Variants in GRM5 observed in about 807,000 individuals in gnomAD.
GRM5 encodes metabotropic glutamate receptor 5.
A neutral mutation model predicts 83.1 loss-of-function variants in GRM5; 19 were observed. The ratio of observed to expected loss-of-function variants is 0.23; its 90% confidence interval spans 0.16 to 0.34. The LOEUF (loss-of-function observed/expected upper bound fraction) is 0.34. Among genes scored for constraint, GRM5 ranks in the 10% least tolerant of loss-of-function variants. The pLI is 1.00. For synonymous variants in GRM5, 675 were observed against 633.6 expected (o/e 1.07, Z -0.98); for missense variants, 1,160 against 1,588.3 (o/e 0.73, Z 4.58).
At chr11:88,637,371 T>C (rs1355309692) in intron 4 of GRM5, among the ~76,000 whole-genome samples, 1 of 151,328 alleles carries the variant, frequency 6.6e-6, no homozygotes, top group Non-Finnish European at 1.5e-5. Flanking sequence ...ACAGGCAACC[T>C]ACAAAATGGG....
chr11:88,668,664 T>C (rs1021182364), intron 3 of GRM5, among the ~76,000 whole-genome samples: 2 of 152,138 alleles, frequency 1.3e-5, no homozygotes, highest in Non-Finnish European at 2.9e-5. Flanking sequence ...TAAAAACAGG[T>C]AACAAGAGGT....
intron 2 of GRM5, among the ~76,000 whole-genome samples, chr11:89,026,994 G>C (rs1379239539): frequency 6.6e-6 from 1 of 152,156 alleles, no homozygotes; most frequent in East Asian, 1.9e-4. Flanking sequence ...CTTCTCAAGA[G>C]ACAGAGACAA....
intron 2 of GRM5, among the ~76,000 whole-genome samples, chr11:89,040,303 C>T (rs1358788099): frequency 2.0e-5 from 3 of 152,006 alleles, no homozygotes; most frequent in Admixed American, 6.6e-5. Flanking sequence ...TATCTATTCA[C>T]TATCAAATTA....
At chr11:88,720,821 C>CGTGTGTGTGTGTGTGTGT (rs869078157) in intron 3 of GRM5, among the ~76,000 whole-genome samples, 60 of 137,266 alleles carry the variant, frequency 4.4e-4, no homozygotes, top group African/African-American at 1.5e-3. Context: ...TGTGTGTGTG[C>CGTGTGTGTGTGTGTGTGT]GTGTGTGTGT....
At chr11:88,617,622 G>A (rs1938520428) in intron 4 of GRM5, among the ~76,000 whole-genome samples, 1 of 152,142 alleles carries the variant, frequency 6.6e-6, no homozygotes, top group East Asian at 1.9e-4. Flanking sequence ...GCAAGGTGAT[G>A]ATAGTAAGCG....
intron 4 of GRM5, among the ~76,000 whole-genome samples, chr11:88,611,892 G>A (rs61901993): frequency 0.12 from 18,012 of 151,858 alleles, 1,410 homozygotes; most frequent in Non-Finnish European, 0.18. Context: ...TACTGCTTTA[G>A]CTATGTCCCA....
chr11:88,607,948 T>C (rs957877549), intron 4 of GRM5, among the ~76,000 whole-genome samples: 2 of 152,238 alleles, frequency 1.3e-5, no homozygotes, highest in Non-Finnish European at 1.5e-5. Flanking sequence ...TAGAAGAGCC[T>C]AGGCTCTGTT....
At chr11:88,958,158 C>A (rs192747097) in intron 2 of GRM5, among the ~76,000 whole-genome samples, 1 of 151,598 alleles carries the variant, frequency 6.6e-6, no homozygotes, top group Admixed American at 6.6e-5. Context: ...CCTACAGCAC[C>A]CACACAGGTC....
intron 3 of GRM5, among the ~76,000 whole-genome samples, chr11:88,840,905 T>A (rs1386370605): frequency 7.9e-5 from 12 of 152,222 alleles, no homozygotes; most frequent in Admixed American, 7.8e-4. Context: ...AGGTACTTCA[T>A]GAATTCAGGG....
chr11:88,756,407 T>C (rs1942394450), intron 3 of GRM5, among the ~76,000 whole-genome samples: 1 of 152,152 alleles, frequency 6.6e-6, no homozygotes. Flanking sequence ...TGTGCTGTCA[T>C]ATTCAGTCAG....
In GRM5 at chr11:88,717,894, TTAA is replaced by T. The variant is rs373920307; in HGVS notation, c.912-64494_912-64492del. Among the ~76,000 whole-genome samples, 43 of 151,970 alleles carry T rather than the reference TTAA, an allele frequency of 2.8e-4. No individual in the cohort carries two copies. The East Asian group carries it at 7.0e-3, about 25-fold the overall frequency. On this transcript the variant is annotated intron_variant, in intron 3 of 9. Coordinates refer to ENST00000305447, the MANE Select transcript of GRM5 (RefSeq NM_001143831.3). ...TTATAGTTAGAAGGATAATTACGTATTAATAATTAAAATAGAATCTATTAATGT... is the reference window on the plus strand; with the variant it reads ...TTATAGTTAGAAGGATAATTACGTATTAATTAAAATAGAATCTATTAATGT...
intron 2 of GRM5, among the ~76,000 whole-genome samples, chr11:88,858,128 C>T (rs953298033): frequency 6.6e-6 from 1 of 150,852 alleles, no homozygotes; most frequent in African/African-American, 2.5e-5. Context: ...TAAGGCATGG[C>T]ATTATTGAAT....
At chr11:88,597,430 C>G in intron 5 of GRM5, 78 bp from the exon 6 acceptor site, 5 of 729,200 alleles carry the variant, frequency 6.9e-6, no homozygotes, top group Non-Finnish European at 1.1e-5. Flanking sequence ...ATTTTATTCC[C>G]AAAAATGTGT....
rs959721147 is a variant in GRM5, at chr11:88,504,804, A to G, written c.*3788T>C. 1.3e-5 allele frequency: 2 copies of G among 152,194 alleles called. No homozygotes were observed. Among genetic ancestry groups the G allele is most frequent in the Non-Finnish European group, 2.9e-5 (2 of 68,000 alleles). 9.4% of individuals were successfully genotyped at this position (152,194 alleles called of 1,614,324 possible). On this transcript the variant is annotated 3_prime_UTR_variant, in exon 10 of 10. Transcript: ENST00000305447. ...ATTTAACATTCTCTATTATTTTAAT[A>G]GTACAAGCTGCCACAACAGAGAAAG...
chr11:88,920,966 C>T (rs991086981), intron 2 of GRM5, among the ~76,000 whole-genome samples: 1 of 152,084 alleles, frequency 6.6e-6, no homozygotes, highest in Non-Finnish European at 1.5e-5. Flanking sequence ...GTTATAATGG[C>T]TTTCAAAGCT....
chr11:88,796,098 G>T (rs113662552), intron 3 of GRM5, among the ~76,000 whole-genome samples: 1 of 152,090 alleles, frequency 6.6e-6, no homozygotes, highest in African/African-American at 2.4e-5. Flanking sequence ...CACTATTACT[G>T]ATCTTCAGGA....
chr11:88,747,047 G>T (rs191571774), intron 3 of GRM5, among the ~76,000 whole-genome samples: 1 of 152,238 alleles, frequency 6.6e-6, no homozygotes, highest in East Asian at 1.9e-4. Flanking sequence ...GTATAATATT[G>T]TCATTGCATA....
intron 3 of GRM5, among the ~76,000 whole-genome samples, chr11:88,698,397 C>A (rs1940950456): frequency 6.6e-6 from 1 of 152,190 alleles, no homozygotes; most frequent in African/African-American, 2.4e-5. Context: ...AACATTTTTT[C>A]TACAAATTCA....
chr11:88,529,792 T>C (rs548910876), intron 8 of GRM5, among the ~76,000 whole-genome samples: 11 of 151,888 alleles, frequency 7.2e-5, no homozygotes, highest in Admixed American at 6.6e-4. Flanking sequence ...GAGGCAAAAA[T>C]GAGTAGGATT....
Sources: gnomAD v4.1 joint callset for allele counts (sites outside exome capture counted in the v4.1 genomes callset) on GRCh38, gnomAD v4.1.1 for gene constraint, MANE v1.5 for transcripts, NCBI Gene and HGNC (gene_info 2026-07-23, HGNC 2026-07-21) for gene names.